R3HCC1L: variants seen among roughly 807,000 people sequenced by gnomAD.
R3HCC1L encodes coiled-coil domain-containing protein R3HCC1L.
In R3HCC1L, 51 loss-of-function variants were observed where a neutral mutation model predicts 59.9. The ratio of observed to expected loss-of-function variants is 0.85; its 90% CI spans 0.68 to 1.07. R3HCC1L has a LOEUF of 1.07. R3HCC1L is among the 50% of genes least tolerant of loss of function. R3HCC1L has a pLI of 0.00. For synonymous variants in R3HCC1L, 322 were observed against 315.2 expected, an observed-to-expected ratio of 1.02 and a Z score of -0.23; for missense variants, 965 against 933.0, an observed-to-expected ratio of 1.03 and a Z score of -0.45.
At chr10:98,193,822 A>G (rs112986865) in intron 4 of R3HCC1L, among the ~76,000 whole-genome samples, 4 of 152,242 alleles carry the variant, frequency 2.6e-5, no homozygotes, top group African/African-American at 7.2e-5. Context: ...GGGCTGCTCA[A>G]TCTGTACAAG....
At chr10:98,172,697 C>T (rs1002310080) in intron 4 of R3HCC1L, among the ~76,000 whole-genome samples, 9 of 152,172 alleles carry the variant, frequency 5.9e-5, no homozygotes, top group Non-Finnish European at 8.8e-5. Context: ...CAATTGCAGC[C>T]CTGGCCTGAG....
At chr10:98,236,276 G>T in intron 9 of R3HCC1L, 112 bp downstream of exon 9, 1 of 1,371,936 alleles carries the variant, frequency 7.3e-7, no homozygotes. Context: ...CTGTTTCCTA[G>T]AAGCCTCCTA....
At chr10:98,187,796 G>C (rs1205686662) in intron 4 of R3HCC1L, among the ~76,000 whole-genome samples, 1 of 145,990 alleles carries the variant, frequency 6.8e-6, no homozygotes, top group Non-Finnish European at 1.5e-5. Context: ...GAGTGCATTG[G>C]TCTGGTCTTA....
intron 5 of R3HCC1L, among the ~76,000 whole-genome samples, chr10:98,225,847 CTT>C (rs994612278): frequency 6.7e-6 from 1 of 148,790 alleles, no homozygotes; most frequent in Non-Finnish European, 1.5e-5. Flanking sequence ...CTTTTTGTAA[CTT>C]TTTTTTTTGG....
chr10:98,155,043 T>C (rs1226903498), intron 1 of R3HCC1L, among the ~76,000 whole-genome samples: 1 of 152,242 alleles, frequency 6.6e-6, no homozygotes, highest in Non-Finnish European at 1.5e-5. Flanking sequence ...AAACTGATGG[T>C]AAATAAGCTG....
intron 4 of R3HCC1L, among the ~76,000 whole-genome samples, chr10:98,198,621 A>G (rs1319848947): frequency 1.3e-5 from 2 of 151,886 alleles, no homozygotes; most frequent in Non-Finnish European, 2.9e-5. Context: ...ATTGTTATCT[A>G]ATTGGTTTTG....
chr10:98,179,273 AG>A (rs1849378089), intron 4 of R3HCC1L, among the ~76,000 whole-genome samples: 1 of 152,100 alleles, frequency 6.6e-6, no homozygotes, highest in Non-Finnish European at 1.5e-5. Flanking sequence ...TTAGCATGAA[AG>A]GTTGTTGAAT....
At chr10:98,161,803 G>C (rs1439985573) in intron 2 of R3HCC1L, among the ~76,000 whole-genome samples, 1 of 152,108 alleles carries the variant, frequency 6.6e-6, no homozygotes, top group Non-Finnish European at 1.5e-5. Context: ...AGGCTTAATA[G>C]TATATCAAGG....
intron 1 of R3HCC1L, among the ~76,000 whole-genome samples, chr10:98,147,116 T>G (rs529788843): frequency 5.3e-5 from 8 of 152,208 alleles, no homozygotes; most frequent in Admixed American, 3.3e-4. Context: ...TGGCGTGAGA[T>G]TAGATCTCAT....
chr10:98,150,121 T>G (rs1053839462), intron 1 of R3HCC1L, among the ~76,000 whole-genome samples: 14 of 152,264 alleles, frequency 9.2e-5, no homozygotes, highest in Admixed American at 9.2e-4. Flanking sequence ...CAAATGTATT[T>G]CTGAGTTCCA....
chr10:98,153,008 C>A (rs1025142996), intron 1 of R3HCC1L, among the ~76,000 whole-genome samples: 2 of 151,098 alleles, frequency 1.3e-5, no homozygotes, highest in Non-Finnish European at 3.0e-5. Flanking sequence ...CCCGCCTCCG[C>A]CCGGCCGCCG....
intron 4 of R3HCC1L, among the ~76,000 whole-genome samples, chr10:98,199,992 C>T (rs1006289581): frequency 2.6e-5 from 4 of 152,028 alleles, no homozygotes; most frequent in African/African-American, 4.8e-5. Flanking sequence ...CTTATCAAAA[C>T]TCTTGAGGGT....
intron 4 of R3HCC1L, among the ~76,000 whole-genome samples, chr10:98,168,456 T>G (rs976762961): frequency 1.3e-5 from 2 of 152,288 alleles, no homozygotes; most frequent in East Asian, 3.9e-4. Context: ...GGGCATGAAT[T>G]GTGTTATGTC....
At chr10:98,238,702 C>T (rs1311134335) in intron 9 of R3HCC1L, among the ~76,000 whole-genome samples, 1 of 152,120 alleles carries the variant, frequency 6.6e-6, no homozygotes, top group Non-Finnish European at 1.5e-5. Flanking sequence ...ATACTGTAAT[C>T]CCCCTTAAAG....
intron 4 of R3HCC1L, among the ~76,000 whole-genome samples, chr10:98,173,091 C>T (rs1445867803): frequency 6.6e-6 from 1 of 152,074 alleles, no homozygotes; most frequent in Admixed American, 6.6e-5. Flanking sequence ...TTTTCATTCT[C>T]TTATTTCTTT....
Position 98,176,888 on chromosome 10 carries a change from TCTC to T in R3HCC1L, c.-15+13494_-15+13496del, listed in dbSNP as rs950299427. On this transcript the variant is annotated intron_variant, in intron 4 of 9. Coordinates refer to ENST00000298999, the MANE Select transcript of R3HCC1L (RefSeq NM_001351015.2). ...ATAACATTTATCAGGATGAGGAAGT[TCTC>T]CTATTCCTAGTTTACTGGATGGATG... Among the ~76,000 whole-genome samples, 25 of 152,150 alleles carry T rather than the reference TCTC, an allele frequency of 1.6e-4. 1 individual carries two copies. The highest frequency in any genetic ancestry group is 4.3e-4 in the African/African-American group (18 of 41,440).
chr10:98,228,500 T>C (rs987028735), intron 5 of R3HCC1L, among the ~76,000 whole-genome samples: 1 of 152,158 alleles, frequency 6.6e-6, no homozygotes, highest in African/African-American at 2.4e-5. Context: ...GTCAGATGAG[T>C]AGATTGCAAA....
At chr10:98,178,381 T>C (rs1439323227) in intron 4 of R3HCC1L, among the ~76,000 whole-genome samples, 1 of 151,820 alleles carries the variant, frequency 6.6e-6, no homozygotes, top group African/African-American at 2.4e-5. Context: ...TTGTAGATAT[T>C]GGTATTATTT....
chr10:98,173,892 T>C (rs1289280204), intron 4 of R3HCC1L, among the ~76,000 whole-genome samples: 4 of 152,090 alleles, frequency 2.6e-5, no homozygotes, highest in Admixed American at 2.6e-4. Flanking sequence ...ATAGGAAGAG[T>C]ATCTAACGTG....
Sources: allele counts gnomAD v4.1 joint callset (sites outside exome capture counted in the v4.1 genomes callset), GRCh38; gene constraint gnomAD v4.1.1; transcripts MANE v1.5; gene names NCBI Gene and HGNC (gene_info 2026-07-23, HGNC 2026-07-21).